ULK2: variants seen among roughly 807,000 people sequenced by gnomAD.
ULK2 encodes serine/threonine-protein kinase ULK2.
Under a neutral mutation model 127.5 loss-of-function variants are expected in ULK2, and 76 were observed. The observed-to-expected ratio is 0.60, with a 90% CI of 0.50 to 0.72. The LOEUF (loss-of-function observed/expected upper bound fraction) is 0.72, where lower values mean the gene tolerates loss of function less well. Ranked by LOEUF, ULK2 falls within the 30% of genes least tolerant of loss-of-function variation. The pLI is 0.00. For missense variants in ULK2, 1,144 were observed against 1,295.9 expected (o/e 0.88, Z 1.80); for synonymous variants, 452 against 461.9 (o/e 0.98, Z 0.28).
In ULK2 at chr17:19,865,844, A is replaced by G; in HGVS notation, c.91-16T>C. The G allele has an allele frequency of 6.9e-7, 1 of 1,449,982 alleles. No individual in the cohort carries two copies. Among genetic ancestry groups the G allele is most frequent in the Admixed American group, 1.9e-5 (1 of 53,966 alleles). 89.8% of individuals were successfully genotyped at this position (1,449,982 alleles called of 1,614,324 possible). On this transcript the variant is annotated splice_polypyrimidine_tract_variant and intron_variant, in intron 1 of 26. Transcript: ENST00000395544. ...AATCAGTTTTCTGAAAAGGAAAAACAGTGTTACTCCTAGATACCATTCCAC... is the reference window on the plus strand; with the variant it reads ...AATCAGTTTTCTGAAAAGGAAAAACGGTGTTACTCCTAGATACCATTCCAC...
At chr17:19,830,816 A>G (rs1426782678) in intron 10 of ULK2, among the ~76,000 whole-genome samples, 1 of 151,982 alleles carries the variant, frequency 6.6e-6, no homozygotes, top group Non-Finnish European at 1.5e-5. Flanking sequence ...TCGCTTGAGA[A>G]CAGAAGTTCA....
intron 6 of ULK2, among the ~76,000 whole-genome samples, chr17:19,845,663 G>A (rs113400019): frequency 0.011 from 1,683 of 152,098 alleles, 27 homozygotes; most frequent in African/African-American, 0.039. Context: ...CATTAATACA[G>A]TTTTCATTAA....
intron 1 of ULK2, 134 bp downstream of exon 1, chr17:19,867,194 G>C (rs1199235626): frequency 4.7e-6 from 3 of 636,802 alleles, no homozygotes; most frequent in South Asian, 4.9e-5. Context: ...ACGGCGAGAC[G>C]GGCTGCGCGC....
intron 10 of ULK2, among the ~76,000 whole-genome samples, chr17:19,827,779 A>C (rs1440233336): frequency 6.6e-6 from 1 of 152,110 alleles, no homozygotes; most frequent in East Asian, 1.9e-4. Flanking sequence ...GCATGGTGGC[A>C]CATGCCTGTA....
chr17:19,857,023 T>C (rs908757709), intron 3 of ULK2, among the ~76,000 whole-genome samples: 2 of 144,256 alleles, frequency 1.4e-5, no homozygotes, highest in African/African-American at 5.2e-5. Context: ...AAATTTTTTA[T>C]AGCCAGGCAC....
intron 3 of ULK2, among the ~76,000 whole-genome samples, chr17:19,862,700 A>C (rs1244723750): frequency 6.6e-6 from 1 of 152,114 alleles, no homozygotes; most frequent in Admixed American, 6.6e-5. Context: ...TCCCAACCTC[A>C]GGTGACCCAC....
At position 19,774,723 on chromosome 17, in the gene ULK2, T is replaced by A. The variant is rs2152380033; in HGVS notation, c.*1626A>T. 1 of 152,618 alleles carries A rather than the reference T, an allele frequency of 6.6e-6. No individual in the cohort carries two copies. The highest frequency in any genetic ancestry group is 1.9e-4 in the East Asian group (1 of 5,188). 9.5% of individuals were successfully genotyped at this position (152,618 alleles called of 1,614,324 possible). A position where few individuals can be genotyped will look rare whatever the true frequency, so the allele number is the denominator to read the frequency against. ...GTACCTGGCTCAACAAGCCACTTAA[T>A]ATGTACCCAGCTACACCCTAGAAAC... On this transcript the variant is annotated 3_prime_UTR_variant, in exon 27 of 27. Transcript: ENST00000395544.
intron 20 of ULK2, among the ~76,000 whole-genome samples, chr17:19,788,147 A>T (rs960107645): frequency 1.3e-5 from 2 of 152,138 alleles, no homozygotes; most frequent in Non-Finnish European, 2.9e-5. Context: ...CTAGGACACA[A>T]GGACTGCAAT....
chr17:19,865,639 C>A (rs2042336474), intron 2 of ULK2, 97 bp downstream of exon 2: 2 of 661,204 alleles, frequency 3.0e-6, no homozygotes, highest in Non-Finnish European at 4.8e-6. Flanking sequence ...AATTCTCAAA[C>A]TTGGACCCAA....
intron 9 of ULK2, among the ~76,000 whole-genome samples, 155 bp downstream of exon 9, chr17:19,841,334 T>C (rs2041749754): frequency 6.6e-6 from 1 of 152,212 alleles, no homozygotes; most frequent in African/African-American, 2.4e-5. Context: ...CAGACACCTA[T>C]GATGTGCCAG....
At chr17:19,810,554 A>ATT in intron 13 of ULK2, 116 bp from the exon 14 acceptor site, 1 of 611,066 alleles carries the variant, frequency 1.6e-6, no homozygotes, top group Non-Finnish European at 2.9e-6. Context: ...CCATTGGCTT[A>ATT]TGTTATGATT....
intron 13 of ULK2, among the ~76,000 whole-genome samples, chr17:19,814,438 A>T (rs55832161): frequency 0.45 from 9,753 of 21,626 alleles, 1,567 homozygotes; most frequent in Non-Finnish European, 0.5. Flanking sequence ...ATATATATAT[A>T]TTTTTTTTTT....
In ULK2 at chr17:19,867,502, C is replaced by G. The variant is rs1330530696; in HGVS notation, c.-85G>C. 8 of 1,074,450 alleles carry G rather than the reference C, an allele frequency of 7.4e-6. No individual in the cohort carries two copies. The highest frequency in any genetic ancestry group is 4.3e-5 in the Admixed American group (1 of 23,306). 66.6% of individuals were successfully genotyped at this position (1,074,450 alleles called of 1,614,324 possible). A position where few individuals can be genotyped will look rare whatever the true frequency, so the allele number is the denominator to read the frequency against. ...GCACCGCGGCTCCGCGGGCCCGGAGCGCGCCAGCGTGCGGCGGGTCTGGGG... is the reference window on the plus strand; with the variant it reads ...GCACCGCGGCTCCGCGGGCCCGGAGGGCGCCAGCGTGCGGCGGGTCTGGGG... On this transcript the variant is annotated 5_prime_UTR_variant, in exon 1 of 27. Transcript: ENST00000395544.
chr17:19,838,363 T>C, intron 10 of ULK2, 138 bp downstream of exon 10: 1 of 722,036 alleles, frequency 1.4e-6, no homozygotes. Flanking sequence ...TCAATAAATA[T>C]TTACGAAACC....
intron 2 of ULK2, among the ~76,000 whole-genome samples, chr17:19,865,210 T>C (rs558380277): frequency 6.6e-6 from 1 of 152,346 alleles, no homozygotes; most frequent in African/African-American, 2.4e-5. Context: ...CTTTCTTTAA[T>C]GAGCCATAGG....
At chr17:19,795,347 T>TTAA (rs1555552723) in intron 20 of ULK2, among the ~76,000 whole-genome samples, 10 of 82,756 alleles carry the variant, frequency 1.2e-4, no homozygotes, top group South Asian at 6.3e-4. Flanking sequence ...ACCCTACTGA[T>TTAA]AAAAAAAAAA....
chr17:19,850,395 A>G (rs2041987243), intron 3 of ULK2, among the ~76,000 whole-genome samples: 1 of 152,224 alleles, frequency 6.6e-6, no homozygotes, highest in African/African-American at 2.4e-5. Flanking sequence ...AAATCCATAT[A>G]GCTCCAGGTC....
chr17:19,862,462 T>C (rs931434360), intron 3 of ULK2, among the ~76,000 whole-genome samples: 2 of 151,686 alleles, frequency 1.3e-5, no homozygotes, highest in South Asian at 2.1e-4. Context: ...ACATGAAAAA[T>C]GACAATTTTT....
chr17:19,809,234 A>G (rs1232874943), intron 14 of ULK2, among the ~76,000 whole-genome samples: 1 of 152,206 alleles, frequency 6.6e-6, no homozygotes, highest in South Asian at 2.1e-4. Context: ...AAATTCATAG[A>G]AACAGAGAGC....
Sources: allele counts gnomAD v4.1 joint callset (sites outside exome capture counted in the v4.1 genomes callset), GRCh38; gene constraint gnomAD v4.1.1; transcripts MANE v1.5; gene names NCBI Gene and HGNC (gene_info 2026-07-23, HGNC 2026-07-21).